FYN: variants seen among roughly 807,000 people sequenced by gnomAD.
The protein encoded by FYN is tyrosine-protein kinase Fyn.
A neutral mutation model predicts 70.2 loss-of-function variants in FYN; 10 were observed. That is an observed-to-expected ratio of 0.14 (90% CI 0.09 to 0.24). The LOEUF is 0.24. FYN is among the 10% of genes least tolerant of loss of function. The pLI, the probability that FYN is intolerant of heterozygous loss-of-function variation, is 1.00. For synonymous variants in FYN, 236 were observed against 248.6 expected (o/e 0.95, Z 0.48); for missense variants, 319 against 673.1 (o/e 0.47, Z 5.82).
intron 2 of FYN, among the ~76,000 whole-genome samples, chr6:111,813,467 T>G (rs1772389228): frequency 6.6e-6 from 1 of 152,364 alleles, no homozygotes; most frequent in Admixed American, 6.5e-5. Flanking sequence ...AGAAAGAATG[T>G]AGGTCAAATC....
At chr6:111,769,884 T>A (rs936885503) in intron 3 of FYN, among the ~76,000 whole-genome samples, 2 of 152,186 alleles carry the variant, frequency 1.3e-5, no homozygotes, top group Admixed American at 1.3e-4. Flanking sequence ...CTGCCAGGGC[T>A]GGTAGAAAAC....
In FYN at chr6:111,769,750, T is replaced by C. The variant is rs540811646; in HGVS notation, c.-12+10816A>G. ...GAATTAAAAAAAAACACACACACCC[T>C]GGCTTTGAAAAATGCCAATGAATTA... On this transcript the variant is annotated intron_variant, in intron 3 of 13. Coordinates refer to ENST00000354650, the MANE Select transcript of FYN (RefSeq NM_002037.5). Among the ~76,000 whole-genome samples, 9 of 152,288 alleles carry C rather than the reference T, an allele frequency of 5.9e-5. No individual in the cohort carries two copies. The South Asian group carries it at 1.9e-3, about 32-fold the overall frequency.
intron 4 of FYN, among the ~76,000 whole-genome samples, chr6:111,716,397 T>G (rs1368484907): frequency 6.6e-6 from 1 of 152,250 alleles, no homozygotes; most frequent in Non-Finnish European, 1.5e-5. Context: ...TTTGTTTTAT[T>G]TTTTAAAAGT....
intron 2 of FYN, among the ~76,000 whole-genome samples, chr6:111,839,589 T>A (rs1355061154): frequency 6.6e-6 from 1 of 152,130 alleles, no homozygotes; most frequent in Non-Finnish European, 1.5e-5. Context: ...AAGTACCGTG[T>A]TCATGTCCAA....
intron 3 of FYN, among the ~76,000 whole-genome samples, chr6:111,729,491 G>T (rs11153315): frequency 0.38 from 56,881 of 148,826 alleles, 15,524 homozygotes; most frequent in African/African-American, 0.77. Context: ...AAAAAAAGGG[G>T]GTCGGGGGTG....
At chr6:111,826,673 T>C (rs1772843423) in intron 2 of FYN, among the ~76,000 whole-genome samples, 1 of 152,182 alleles carries the variant, frequency 6.6e-6, no homozygotes, top group Non-Finnish European at 1.5e-5. Context: ...CCTTACCACA[T>C]TATTTTAGTT....
chr6:111,787,094 C>T (rs544532769), intron 2 of FYN, among the ~76,000 whole-genome samples: 66 of 152,254 alleles, frequency 4.3e-4, no homozygotes, highest in African/African-American at 1.5e-3. Context: ...TCAATTTTGG[C>T]TTTTGTTGCC....
At chr6:111,773,341 AGAGGG>A (rs1265979630) in intron 3 of FYN, among the ~76,000 whole-genome samples, 7 of 33,768 alleles carry the variant, frequency 2.1e-4, no homozygotes, top group African/African-American at 2.6e-4. Context: ...AGGGAAAGGG[AGAGGG>A]AGAGGGAAAG....
intron 13 of FYN, among the ~76,000 whole-genome samples, chr6:111,667,349 C>G (rs565538876): frequency 2.0e-5 from 3 of 152,194 alleles, no homozygotes; most frequent in Non-Finnish European, 4.4e-5. Context: ...AGCGATCCTC[C>G]TCACACTTCA....
At chr6:111,810,328 CTTCACTGAGAGTA>C (rs1562529573) in intron 2 of FYN, among the ~76,000 whole-genome samples, 2 of 152,098 alleles carry the variant, frequency 1.3e-5, no homozygotes, top group Non-Finnish European at 2.9e-5. Flanking sequence ...CATGGAAGGC[CTTCACTGAGAGTA>C]TCCCAGGGCC....
intron 1 of FYN, among the ~76,000 whole-genome samples, chr6:111,852,560 A>G (rs901059851): frequency 5.9e-5 from 9 of 152,252 alleles, no homozygotes; most frequent in African/African-American, 1.9e-4. Context: ...ACAAATGTTT[A>G]TATGTTATGG....
Position 111,700,238 on chromosome 6 carries a change from A to C in FYN, c.728T>G (p.Val243Gly). Residue 243 changes from valine to glycine, a missense_variant, in exon 9 of 14, where the codon GTA (valine) becomes GGA (glycine). Transcript: ENST00000354650. ...ERAAGLCCRLVVPCHKGMPRL... is the reference protein window; with the variant it reads ...ERAAGLCCRLGVPCHKGMPRL... ...TGGCATCCCTTTGTGACAGGGAACT[A>C]CTAGGCGGCAGCAGAGACCTGCAGC... 1 of 1,614,138 alleles carries C rather than the reference A, an allele frequency of 6.2e-7. No individual in the cohort carries two copies. The highest frequency in any genetic ancestry group is 1.1e-5 in the South Asian group (1 of 91,090).
chr6:111,752,243 C>T (rs971022376), intron 3 of FYN, among the ~76,000 whole-genome samples: 1 of 152,196 alleles, frequency 6.6e-6, no homozygotes, highest in African/African-American at 2.4e-5. Context: ...CCATCCATTC[C>T]TCCATCTATC....
At chr6:111,673,338 C>A (rs986785161) in intron 13 of FYN, among the ~76,000 whole-genome samples, 3 of 152,152 alleles carry the variant, frequency 2.0e-5, no homozygotes, top group African/African-American at 7.2e-5. Context: ...TCTCTAAACG[C>A]CCAGTGCCGG....
At chr6:111,750,779 G>T (rs115095963) in intron 3 of FYN, among the ~76,000 whole-genome samples, 1,650 of 142,750 alleles carry the variant, frequency 0.012, 23 homozygotes, top group African/African-American at 0.039. Context: ...CTGAATTGCT[G>T]AAACAAAGGG....
chr6:111,678,150 G>GT (rs3220548), intron 12 of FYN, among the ~76,000 whole-genome samples: 7 of 119,902 alleles, frequency 5.8e-5, no homozygotes, highest in Middle Eastern at 7.6e-3. Flanking sequence ...GTGTGTGTGT[G>GT]GTGTGTGTAC....
intron 2 of FYN, among the ~76,000 whole-genome samples, chr6:111,845,417 A>G (rs191661000): frequency 3.9e-5 from 6 of 152,242 alleles, no homozygotes; most frequent in Admixed American, 3.9e-4. Flanking sequence ...TATTTCCCCA[A>G]GTTGCCCTGG....
intron 2 of FYN, among the ~76,000 whole-genome samples, chr6:111,812,604 CTTTTTTT>C (rs369326017): frequency 1.7e-4 from 17 of 101,318 alleles, no homozygotes; most frequent in African/African-American, 3.1e-4. Flanking sequence ...AGAAATTTTC[CTTTTTTT>C]TTTTTTTTTT....
intron 2 of FYN, among the ~76,000 whole-genome samples, chr6:111,828,622 G>C (rs1289721655): frequency 6.6e-6 from 1 of 150,586 alleles, no homozygotes; most frequent in Non-Finnish European, 1.5e-5. Context: ...GATTAACCTG[G>C]AGGACATTAT....
Sources: gnomAD v4.1 joint callset for allele counts (sites outside exome capture counted in the v4.1 genomes callset) on GRCh38, gnomAD v4.1.1 for gene constraint, MANE v1.5 for transcripts, NCBI Gene and HGNC (gene_info 2026-07-23, HGNC 2026-07-21) for gene names.